The following TTLL10 variants were observed in gnomAD, a reference collection of about 807,000 sequenced individuals.
The protein encoded by TTLL10 is tubulin tyrosine ligase like 10.
Under a neutral mutation model 69.0 loss-of-function variants are expected in TTLL10, and 61 were observed. The ratio of observed to expected loss-of-function variants is 0.88; its 90% CI spans 0.72 to 1.09. TTLL10 has a LOEUF of 1.09. TTLL10 is among the 50% of genes least tolerant of loss of function. The pLI, the probability that TTLL10 is intolerant of heterozygous loss-of-function variation, is 0.00. For synonymous variants in TTLL10, 408 were observed against 393.3 expected (o/e 1.04, Z -0.44); for missense variants, 962 against 945.9 (o/e 1.02, Z -0.22).
intron 13 of TTLL10, among the ~76,000 whole-genome samples, chr1:1,194,411 CTCTTA>C (rs1648051717): frequency 6.6e-6 from 1 of 152,160 alleles, no homozygotes; most frequent in Non-Finnish European, 1.5e-5. Flanking sequence ...TGTATGCTGT[CTCTTA>C]TATTTAATTA....
rs1557482440 is a variant in TTLL10 at position 1,183,952 on chromosome 1, GAA to G, written c.1123_1124del (p.Lys375ValfsTer2). On this transcript the variant is annotated frameshift_variant, in exon 12 of 16. Transcript: ENST00000379289. LOFTEE classifies it high-confidence loss of function. ...CAGAACCCGCTGCTGGTGGACGGGA[GAA>G]AGTTTGACGTGCGCTCCTACCTGCT... is the stretch of plus-strand genomic sequence containing the variant. The G allele has an allele frequency of 1.2e-6, 2 of 1,614,216 alleles. No homozygotes were observed. The highest frequency in any genetic ancestry group is 2.7e-5 in the African/African-American group (2 of 75,046).
Position 1,196,602 on chromosome 1 carries a change from G to A in TTLL10, c.1404G>A (p.Lys468=). ...AKDWVFTTLK[K]RMQQIMAHCF... ...GATGCCTCCCTGCCTCCCTGCAGAA[G>A]CGGATGCAGCAGATCATGGCCCACT... Residue 468 remains lysine, a splice_region_variant and synonymous_variant, in exon 14 of 16, where the codon AAG becomes AAA. Transcript: ENST00000379289. 2 of 1,550,904 alleles carry A rather than the reference G, an allele frequency of 1.3e-6. No homozygotes were observed. Among genetic ancestry groups the A allele is most frequent in the Non-Finnish European group, 1.7e-6 (2 of 1,146,262 alleles).
intron 13 of TTLL10, among the ~76,000 whole-genome samples, chr1:1,193,322 C>T (rs895268597): frequency 2.0e-5 from 3 of 152,046 alleles, no homozygotes; most frequent in African/African-American, 7.2e-5. Flanking sequence ...GAGACTCCGT[C>T]TCAAAAAATA....
chr1:1,180,026 G>C lies in TTLL10; in HGVS notation c.200-8G>C. 6.6e-7 allele frequency: 1 copy of C among 1,520,318 alleles called. No homozygotes were observed. The highest frequency in any genetic ancestry group is 8.8e-7 in the Non-Finnish European group (1 of 1,136,200). 94.2% of individuals were successfully genotyped at this position (1,520,318 alleles called of 1,614,324 possible). On this transcript the variant is annotated splice_polypyrimidine_tract_variant and splice_region_variant and intron_variant, in intron 5 of 15. Transcript: ENST00000379289. ...AGCCACCCCGGTGGGACCCCACCCC[G>C]TTCACAGGCCCGGCCCACGAGAGGC...
At chr1:1,174,695 A>G (rs1646824969) in intron 3 of TTLL10, 1 of 152,216 alleles carries the variant, frequency 6.6e-6, no homozygotes, top group Non-Finnish European at 1.5e-5. Context: ...CGTCCGTCAG[A>G]GACTCCAAAG....
chr1:1,184,184 T>G lies in TTLL10; in HGVS notation c.1260+93T>G. On this transcript the variant is annotated intron_variant, in intron 12 of 15. Transcript: ENST00000379289. ...CTAGGGGGTGCAGAGGGGGTGCAGC[T>G]ACAGAAGGAGGTGGCCCAGGCCGGG... The G allele has an allele frequency of 1.9e-6, 3 of 1,544,528 alleles. No homozygotes were observed. The Admixed American group carries it at 5.2e-5, about 27-fold the overall frequency.
intron 3 of TTLL10, chr1:1,175,839 TGCCGCTGTGCCGGTG>T (rs1646850805): frequency 5.1e-6 from 2 of 390,718 alleles, no homozygotes; most frequent in Non-Finnish European, 5.1e-6. Flanking sequence ...GGAGAGAGGC[TGCCGCTGTGCCGGTG>T]GAGAGGCTGC....
chr1:1,196,716 G>A lies in TTLL10; in HGVS notation c.1518G>A (p.Lys506=), dbSNP rs751434045. ...GCDFLIDDNF[K]VWLLEMNSNP... ...ACTTCCTGATTGATGACAACTTCAA[G>A]GTGCTGTCCTGGGCGGCGGGGGGCA... is the stretch of plus-strand genomic sequence containing the variant. The change falls in exon 14 of 16, where the codon AAG becomes AAA. Residue 506 remains lysine, a splice_region_variant and synonymous_variant. Transcript: ENST00000379289. The A allele has an allele frequency of 1.6e-5, 25 of 1,548,614 alleles. No homozygotes were observed. Among genetic ancestry groups the A allele is most frequent in the Non-Finnish European group, 2.0e-5 (23 of 1,143,978 alleles).
At position 1,185,422 on chromosome 1, in the gene TTLL10, G is replaced by A; in HGVS notation, c.1401+313G>A. The stretch of plus-strand genomic sequence containing the variant: ...GACAGCCACCATGTGAAGAGTCTTT[G>A]TTCCTTTCAGATCCTCCACTTGGCA... On this transcript the variant is annotated intron_variant, in intron 13 of 15. Transcript: ENST00000379289. This position sits in a 1 kb window ranked among gnomAD's most constrained non-coding sequence, Gnocchi z 6.1. 1 of 1,194,390 alleles carries A rather than the reference G, an allele frequency of 8.4e-7. No homozygotes were observed. Among genetic ancestry groups the A allele is most frequent in the Non-Finnish European group, 1.0e-6 (1 of 961,080 alleles). 74.0% of individuals were successfully genotyped at this position (1,194,390 alleles called of 1,614,324 possible).
chr1:1,191,978 C>T (rs925624334), intron 13 of TTLL10, among the ~76,000 whole-genome samples: 1 of 152,260 alleles, frequency 6.6e-6, no homozygotes, highest in African/African-American at 2.4e-5. Context: ...CCCTCATTCC[C>T]GTCAACCCAC....
At chr1:1,179,631 T>G (rs1287541703) in intron 4 of TTLL10, 26 bp from the exon 5 acceptor site, 49 of 1,550,666 alleles carry the variant, frequency 3.2e-5, no homozygotes, top group Middle Eastern at 3.3e-4. Flanking sequence ...GACATCATCA[T>G]GGACATTGTG....
rs534756977 is a variant in TTLL10, at chr1:1,184,694, G to A, written c.1261-275G>A. Among the ~76,000 whole-genome samples the A allele has an allele frequency of 2.7e-3, 410 of 151,346 alleles. 1 individual carries two copies. The highest frequency in any genetic ancestry group is 9.3e-3 in the African/African-American group (384 of 41,082). ...GGGGGATGTTCTCTTGGGGACCCCCGTGAGGACAGGCCCTCCGGACAGTCT... is the reference window on the plus strand; with the variant it reads ...GGGGGATGTTCTCTTGGGGACCCCCATGAGGACAGGCCCTCCGGACAGTCT... On this transcript the variant is annotated intron_variant, in intron 12 of 15. Transcript: ENST00000379289.
chr1:1,184,162 G>C, intron 12 of TTLL10, 71 bp downstream of exon 12: 1 of 1,593,220 alleles, frequency 6.3e-7, no homozygotes, highest in Middle Eastern at 1.7e-4. Flanking sequence ...CTCACTGCTA[G>C]GGGGTGCAGA....
At chr1:1,178,844 C>T (rs918157589) in intron 3 of TTLL10, among the ~76,000 whole-genome samples, 1 of 152,186 alleles carries the variant, frequency 6.6e-6, no homozygotes, top group African/African-American at 2.4e-5. Flanking sequence ...AGGAGCCCTC[C>T]CACCCTCCAT....
chr1:1,179,381 C>T (rs925210965), intron 4 of TTLL10, 48 bp downstream of exon 4: 3 of 1,508,546 alleles, frequency 2.0e-6, no homozygotes, highest in African/African-American at 2.8e-5. Context: ...AAGGCCAAGG[C>T]CTCCCTGGGA....
chr1:1,179,906 C>A lies in TTLL10; in HGVS notation c.200-128C>A. Reference sequence around the variant, plus strand: ...GGCCAGAGCTCGGGCTGAACTTGAGCCCCAGACGGGCCAGGGGGATTGTCC... The same window carrying A: ...GGCCAGAGCTCGGGCTGAACTTGAGACCCAGACGGGCCAGGGGGATTGTCC... On this transcript the variant is annotated intron_variant, in intron 5 of 15. Transcript: ENST00000379289. 8.3e-6 allele frequency: 12 copies of A among 1,437,488 alleles called. No homozygotes were observed. The South Asian group carries it at 1.8e-4, about 21-fold the overall frequency. The allele number at this position is 1,437,488 out of a possible 1,614,324, so 89.0% of individuals were successfully genotyped here. A position where few individuals can be genotyped will look rare whatever the true frequency, so the allele number is the denominator to read the frequency against.
chr1:1,177,603 G>A (rs1156605388), intron 3 of TTLL10, among the ~76,000 whole-genome samples: 1 of 152,206 alleles, frequency 6.6e-6, no homozygotes, highest in Non-Finnish European at 1.5e-5. Context: ...GAGCCTCCGC[G>A]CCCGGCTGTC....
Position 1,180,776 on chromosome 1 carries a change from C to T in TTLL10, c.671C>T (p.Thr224Ile). 6.2e-7 allele frequency: 1 copy of T among 1,608,622 alleles called. No homozygotes were observed. The highest frequency in any genetic ancestry group is 8.5e-7 in the Non-Finnish European group (1 of 1,178,010). Reference sequence around the variant, plus strand: ...CTTCCCAACAACAAGCTCCTCACCACCAAGATCGGGCTGCTCAGCACCCTT... The same window carrying T: ...CTTCCCAACAACAAGCTCCTCACCATCAAGATCGGGCTGCTCAGCACCCTT... ...YQLPNNKLLT[T>I]KIGLLSTLRG... The change falls in exon 8 of 16, where the codon ACC (threonine) becomes ATC (isoleucine). Residue 224 changes from threonine (T) to isoleucine (I), a missense_variant. Coordinates refer to ENST00000379289, the MANE Select transcript of TTLL10 (RefSeq NM_001130045.2).
intron 13 of TTLL10, among the ~76,000 whole-genome samples, chr1:1,194,361 T>A (rs1394195559): frequency 1.3e-5 from 2 of 152,180 alleles, no homozygotes; most frequent in East Asian, 3.8e-4. Context: ...TTGTATACAG[T>A]TGTCTTTTAG....
Sources: allele counts gnomAD v4.1 joint callset (sites outside exome capture counted in the v4.1 genomes callset), GRCh38; gene constraint gnomAD v4.1.1; non-coding constraint Gnocchi (gnomAD v3.1); transcripts MANE v1.5; gene names NCBI Gene and HGNC (gene_info 2026-07-23, HGNC 2026-07-21).